Variants in RTL4 observed in about 807,000 individuals in gnomAD.
RTL4 encodes the protein retrotransposon Gag-like protein 4.
Under a neutral mutation model 5.3 loss-of-function variants are expected in RTL4, and 4 were observed. That is an observed-to-expected ratio of 0.75 (90% CI 0.37 to 1.72). The LOEUF (loss-of-function observed/expected upper bound fraction) is 1.72. Among genes scored for constraint, RTL4 ranks in the 40% most tolerant of loss-of-function variants. The pLI is 0.04. For missense variants in RTL4, 260 were observed against 227.1 expected (o/e 1.14, Z -0.93); for synonymous variants, 98 against 87.3 (o/e 1.12, Z -0.68).
At chrX:112,389,571 TGTC>T in the RTL4 span, among the ~76,000 whole-genome samples, 1 of 111,566 alleles carries the variant, frequency 9.0e-6, no homozygotes, top group South Asian at 3.7e-4. Context: ...GCCTTAGCTA[TGTC>T]CCAGAGATTC....
the RTL4 span, among the ~76,000 whole-genome samples, chrX:112,195,532 C>T: frequency 9.0e-6 from 1 of 111,383 alleles, no homozygotes; most frequent in Non-Finnish European, 1.9e-5. Context: ...TGAAGTTATC[C>T]TCTTTGGGGT....
the RTL4 span, among the ~76,000 whole-genome samples, chrX:112,103,900 AATG>A: frequency 2.3e-4 from 26 of 111,490 alleles, no homozygotes; most frequent in African/African-American, 6.5e-4. Flanking sequence ...TCAATTTTGT[AATG>A]ATAACATTTA....
the RTL4 span, among the ~76,000 whole-genome samples, chrX:112,352,815 G>T: frequency 9.0e-6 from 1 of 111,579 alleles, no homozygotes; most frequent in African/African-American, 3.3e-5. Flanking sequence ...GGCAACAAAA[G>T]ACAAAATTGA....
the RTL4 span, among the ~76,000 whole-genome samples, chrX:112,302,816 A>G: frequency 1.8e-5 from 2 of 112,759 alleles, no homozygotes; most frequent in Admixed American, 9.4e-5. Context: ...GAGAACTACC[A>G]TTACTACTGC....
At chrX:112,302,781 C>A in the RTL4 span, among the ~76,000 whole-genome samples, 10 of 112,552 alleles carry the variant, frequency 8.9e-5, no homozygotes, top group Non-Finnish European at 7.5e-5. Context: ...AGAGGGGCCC[C>A]ACTCTTAAGT....
chrX:112,213,638 C>T, the RTL4 span, among the ~76,000 whole-genome samples: 14 of 111,926 alleles, frequency 1.3e-4, no homozygotes, highest in African/African-American at 4.2e-4. Flanking sequence ...GTATAATATA[C>T]ATAACATAAA....
the RTL4 span, among the ~76,000 whole-genome samples, chrX:112,147,649 T>C: frequency 8.9e-6 from 1 of 112,134 alleles, no homozygotes; most frequent in Non-Finnish European, 1.9e-5. Flanking sequence ...AAGAATCAAA[T>C]GGCTCTGGCC....
the RTL4 span, among the ~76,000 whole-genome samples, chrX:112,226,491 A>G: frequency 8.9e-6 from 1 of 112,020 alleles, no homozygotes; most frequent in Non-Finnish European, 1.9e-5. Flanking sequence ...ACACTGGGAT[A>G]TAATGACAAG....
chrX:112,138,454 G>A, the RTL4 span, among the ~76,000 whole-genome samples: 4 of 111,526 alleles, frequency 3.6e-5, no homozygotes, highest in Admixed American at 9.5e-5. Context: ...AGTTTTGGAG[G>A]TGATAGATAC....
chrX:112,311,188 G>T, the RTL4 span, among the ~76,000 whole-genome samples: 5 of 110,142 alleles, frequency 4.5e-5, no homozygotes, highest in Non-Finnish European at 9.5e-5. Context: ...TTTGGGGATT[G>T]TGAGTAGGCA....
At chrX:112,196,143 A>G in the RTL4 span, among the ~76,000 whole-genome samples, 2 of 111,088 alleles carry the variant, frequency 1.8e-5, no homozygotes, top group Non-Finnish European at 3.8e-5. Flanking sequence ...CACTTCTCCC[A>G]TCTCTATCTC....
At chrX:112,246,300 G>T in the RTL4 span, among the ~76,000 whole-genome samples, 8 of 111,975 alleles carry the variant, frequency 7.1e-5, no homozygotes, top group African/African-American at 2.3e-4. Flanking sequence ...GCTGCCTTTT[G>T]TTCAGCTCTG....
At chrX:112,287,436 T>A in the RTL4 span, among the ~76,000 whole-genome samples, 1 of 112,146 alleles carries the variant, frequency 8.9e-6, no homozygotes, top group African/African-American at 3.2e-5. Flanking sequence ...AATTCTCTTC[T>A]AGAATTGTAG....
chrX:112,408,333 A>C, the RTL4 span, among the ~76,000 whole-genome samples: 1 of 110,165 alleles, frequency 9.1e-6, no homozygotes, highest in Non-Finnish European at 1.9e-5. Context: ...GTCAAACAGA[A>C]ATTCTGGAGT....
the RTL4 span, among the ~76,000 whole-genome samples, chrX:112,321,792 C>A: frequency 9.0e-6 from 1 of 111,148 alleles, no homozygotes; most frequent in South Asian, 3.8e-4. Context: ...TGGGAGTGAA[C>A]ATGATCTTTG....
the RTL4 span, among the ~76,000 whole-genome samples, chrX:112,353,398 G>A: frequency 2.7e-5 from 3 of 111,207 alleles, no homozygotes; most frequent in Admixed American, 9.6e-5. Flanking sequence ...GTTTATTGTG[G>A]CACTATTCAC....
At chrX:112,303,658 A>T in the RTL4 span, among the ~76,000 whole-genome samples, 1 of 93,958 alleles carries the variant, frequency 1.1e-5, no homozygotes, top group Admixed American at 1.2e-4. Context: ...CCTAATGCTA[A>T]ATGATGAGTT....
the RTL4 span, among the ~76,000 whole-genome samples, chrX:112,442,838 G>A: frequency 9.0e-6 from 1 of 111,307 alleles, no homozygotes; most frequent in East Asian, 2.8e-4. Context: ...TACATGAGAT[G>A]TACTGCATAA....
At chrX:112,168,097 A>G in the RTL4 span, among the ~76,000 whole-genome samples, 1 of 111,292 alleles carries the variant, frequency 9.0e-6, no homozygotes, top group Non-Finnish European at 1.9e-5. Context: ...CTAATATGCA[A>G]GCTGAGCAAA....
Sources: gnomAD v4.1 joint callset for allele counts (sites outside exome capture counted in the v4.1 genomes callset) on GRCh38, gnomAD v4.1.1 for gene constraint, MANE v1.5 for transcripts, NCBI Gene and HGNC (gene_info 2026-07-23, HGNC 2026-07-21) for gene names.